Variants in GLIS3 observed in about 807,000 individuals in gnomAD.
GLIS3 encodes zinc finger protein GLIS3.
GLIS3 carries 53 observed loss-of-function variants against 78.6 expected under a neutral mutation model. That is an observed-to-expected ratio of 0.67 (90% CI 0.54 to 0.85). The LOEUF is 0.85. Ranked by LOEUF, GLIS3 falls within the 40% of genes least tolerant of loss-of-function variation. The pLI is 0.00. For missense variants in GLIS3, 1,703 were observed against 1,231.1 expected, an observed-to-expected ratio of 1.38 and a Z score of -5.74; for synonymous variants, 684 against 509.9, an observed-to-expected ratio of 1.34 and a Z score of -4.60.
chr9:4,468,833 C>T, the GLIS3 span, among the ~76,000 whole-genome samples: 1 of 152,150 alleles, frequency 6.6e-6, no homozygotes, highest in African/African-American at 2.4e-5. Context: ...TTAAAAGACA[C>T]AGACTGGCAA....
At chr9:4,172,625 A>T (rs532058530) in intron 2 of GLIS3, among the ~76,000 whole-genome samples, 1 of 152,224 alleles carries the variant, frequency 6.6e-6, no homozygotes, top group East Asian at 1.9e-4. Flanking sequence ...TAAATGAGTG[A>T]ATTAATATTA....
intron 4 of GLIS3, among the ~76,000 whole-genome samples, chr9:3,952,375 G>A (rs1025009176): frequency 1.3e-5 from 2 of 152,040 alleles, no homozygotes; most frequent in African/African-American, 4.8e-5. Context: ...CACCACCCAG[G>A]GGATCCCTGG....
chr9:4,428,483 C>CAA, the GLIS3 span, among the ~76,000 whole-genome samples: 6,475 of 47,842 alleles, frequency 0.14, 510 homozygotes, highest in Non-Finnish European at 0.18. Context: ...GACTCTGTCT[C>CAA]AAAAAAAAAA....
intron 2 of GLIS3, among the ~76,000 whole-genome samples, chr9:4,181,890 C>T (rs1817358235): frequency 6.6e-6 from 1 of 152,188 alleles, no homozygotes; most frequent in African/African-American, 2.4e-5. Context: ...TATCCTATGC[C>T]ATCCAGCCCC....
the GLIS3 span, among the ~76,000 whole-genome samples, chr9:4,435,892 T>G: frequency 2.0e-5 from 3 of 152,288 alleles, no homozygotes; most frequent in South Asian, 2.1e-4. Context: ...GAGCTTGCAG[T>G]GAGCCAAGAT....
chr9:4,438,423 C>T, the GLIS3 span, among the ~76,000 whole-genome samples: 2 of 152,156 alleles, frequency 1.3e-5, no homozygotes, highest in Non-Finnish European at 2.9e-5. Context: ...CCCAGAGAAG[C>T]TTCCCCACCC....
At chr9:4,430,330 T>C in the GLIS3 span, among the ~76,000 whole-genome samples, 1 of 152,070 alleles carries the variant, frequency 6.6e-6, no homozygotes, top group Non-Finnish European at 1.5e-5. Context: ...GTGAAATCAT[T>C]CTGATTTTGA....
chr9:4,052,241 C>T (rs73390468), intron 4 of GLIS3, among the ~76,000 whole-genome samples: 2,825 of 152,178 alleles, frequency 0.019, 91 homozygotes, highest in African/African-American at 0.063. Flanking sequence ...AGGTACATTT[C>T]GTTTTCAGGA....
At chr9:4,196,005 C>A (rs1444453403) in intron 2 of GLIS3, among the ~76,000 whole-genome samples, 51 of 151,934 alleles carry the variant, frequency 3.4e-4, no homozygotes, top group Non-Finnish European at 8.8e-5. Context: ...TATCAGTGCT[C>A]TGTGTCTAGC....
At position 3,984,387 on chromosome 9, in the gene GLIS3, G is replaced by A. The variant is rs78567084; in HGVS notation, c.1711-47198C>T. ...GCATGACCTGGATGTGAGACATGGA[G>A]TGAAAGGGGATCATTTTGGAGCTCT... is the stretch of plus-strand genomic sequence containing the variant. On this transcript the variant is annotated intron_variant, in intron 4 of 10. Transcript: ENST00000381971. Among the ~76,000 whole-genome samples, 38 of 152,374 alleles carry A rather than the reference G, an allele frequency of 2.5e-4. No individual in the cohort carries two copies. In the South Asian group the frequency reaches 3.1e-3, roughly 12 times the overall value.
intron 8 of GLIS3, among the ~76,000 whole-genome samples, chr9:3,857,179 G>C (rs1819851360): frequency 6.6e-6 from 1 of 152,188 alleles, no homozygotes; most frequent in African/African-American, 2.4e-5. Context: ...AAATGAAGCA[G>C]CAAATGAATT....
rs75879177 is a variant in GLIS3 at position 3,975,995 on chromosome 9, G to T, written c.1711-38806C>A. Among the ~76,000 whole-genome samples the T allele has an allele frequency of 2.5e-3, 379 of 152,212 alleles. 2 individuals are homozygous for T. The highest frequency in any genetic ancestry group is 8.4e-3 in the African/African-American group (347 of 41,538). ...GTCTCATCAGATCAGCAGCCAATCA[G>T]GTCCTGGCGGGCCATATGTGTATTT... On this transcript the variant is annotated intron_variant, in intron 4 of 10. Transcript: ENST00000381971.
intron 2 of GLIS3, among the ~76,000 whole-genome samples, chr9:4,193,086 T>G (rs556492347): frequency 6.6e-6 from 1 of 152,336 alleles, no homozygotes; most frequent in East Asian, 1.9e-4. Flanking sequence ...TTTGATGGGT[T>G]TAAGCATTCG....
chr9:4,482,715 C>A, the GLIS3 span, among the ~76,000 whole-genome samples: 8 of 152,276 alleles, frequency 5.3e-5, no homozygotes, highest in Admixed American at 3.9e-4. Context: ...GTTGATGTAA[C>A]TTTTTGTGGC....
chr9:4,472,812 A>G, the GLIS3 span, among the ~76,000 whole-genome samples: 1 of 152,206 alleles, frequency 6.6e-6, no homozygotes, highest in Non-Finnish European at 1.5e-5. Flanking sequence ...ATATATATAT[A>G]AAATCAGAAA....
the GLIS3 span, among the ~76,000 whole-genome samples, chr9:4,357,078 G>GT: frequency 1.3e-5 from 2 of 152,110 alleles, no homozygotes; most frequent in African/African-American, 4.8e-5. Flanking sequence ...TGAAACAAAA[G>GT]TTCTATTTTA....
chr9:4,368,326 C>T, the GLIS3 span, among the ~76,000 whole-genome samples: 1 of 148,690 alleles, frequency 6.7e-6, no homozygotes, highest in African/African-American at 2.5e-5. Flanking sequence ...GTAGGGAGCG[C>T]ACAAGAACCC....
the GLIS3 span, among the ~76,000 whole-genome samples, chr9:4,443,675 T>C: frequency 3.3e-5 from 5 of 152,192 alleles, no homozygotes; most frequent in Admixed American, 2.6e-4. Context: ...TTGCAATGCA[T>C]GTTTCTAGAG....
the GLIS3 span, among the ~76,000 whole-genome samples, chr9:4,395,149 T>G: frequency 2.3e-4 from 35 of 152,348 alleles, no homozygotes; most frequent in African/African-American, 7.9e-4. Flanking sequence ...GCAGACCATG[T>G]TCATACATTT....
Sources: gnomAD v4.1 joint callset for allele counts (sites outside exome capture counted in the v4.1 genomes callset) on GRCh38, gnomAD v4.1.1 for gene constraint, MANE v1.5 for transcripts, NCBI Gene and HGNC (gene_info 2026-07-23, HGNC 2026-07-21) for gene names.